The following TP53BP1 variants were observed in gnomAD, a reference collection of about 807,000 sequenced individuals.
The protein encoded by TP53BP1 is tumor protein p53 binding protein 1.
In TP53BP1, 61 loss-of-function variants were observed where a neutral mutation model predicts 200.8. The ratio of observed to expected loss-of-function variants is 0.30; its 90% CI spans 0.25 to 0.38. The LOEUF is 0.38. Among genes scored for constraint, TP53BP1 ranks in the 10% least tolerant of loss-of-function variants. The probability of loss-of-function intolerance (pLI) is 1.00; values close to 1 mark genes in which losing one functional copy is unlikely to be tolerated. For missense variants in TP53BP1, 2,144 were observed against 2,371.9 expected (o/e 0.90, Z 2.00); for synonymous variants, 822 against 844.3 (o/e 0.97, Z 0.46).
chr15:43,495,679 C>G (rs1324142667), upstream of TP53BP1, among the ~76,000 whole-genome samples: 1 of 146,090 alleles, frequency 6.8e-6, no homozygotes, highest in Non-Finnish European at 1.5e-5. Context: ...TAGCCGGGTG[C>G]GCGGGCAGGC....
At chr15:43,494,601 T>C (rs1485329894), upstream of TP53BP1, among the ~76,000 whole-genome samples, 3 of 152,172 alleles carry the variant, frequency 2.0e-5, no homozygotes, top group Non-Finnish European at 2.9e-5. Flanking sequence ...AATTGACTCT[T>C]TTCATACTCC....
intron 25 of TP53BP1, 185 bp from the exon 26 acceptor site, chr15:43,409,281 C>G (rs773051844): frequency 4.9e-6 from 3 of 616,396 alleles, no homozygotes; most frequent in Non-Finnish European, 8.6e-6. Context: ...CATAGATGTT[C>G]TCTCTGCCTC....
intron 10 of TP53BP1, among the ~76,000 whole-genome samples, chr15:43,471,254 A>G (rs569445151): frequency 6.6e-6 from 1 of 152,338 alleles, no homozygotes; most frequent in East Asian, 1.9e-4. Context: ...AGTCATATAC[A>G]CAACATGCCA....
At chr15:43,424,351 A>T (rs1216057643) in intron 18 of TP53BP1, among the ~76,000 whole-genome samples, 1 of 151,632 alleles carries the variant, frequency 6.6e-6, no homozygotes, top group Admixed American at 6.6e-5. Flanking sequence ...TCTCCAAATC[A>T]CCCTCTCTCA....
At chr15:43,492,653 T>C (rs2079143004) in intron 1 of TP53BP1, among the ~76,000 whole-genome samples, 185 bp from the exon 2 acceptor site, 1 of 152,102 alleles carries the variant, frequency 6.6e-6, no homozygotes, top group South Asian at 2.1e-4. Context: ...CAAGTCACCA[T>C]TCCTCGTTAT....
At chr15:43,413,000 C>T in intron 24 of TP53BP1, 119 bp downstream of exon 24, 1 of 879,026 alleles carries the variant, frequency 1.1e-6, no homozygotes, top group Admixed American at 2.5e-5. Flanking sequence ...TGACCAAGAT[C>T]CCAGTTGCTA....
In TP53BP1 at chr15:43,482,189, A is replaced by C. The variant is rs2078981187; in HGVS notation, c.372-1167T>G. 2.0e-5 allele frequency among the ~76,000 whole-genome samples: 3 copies of C among 152,090 alleles called. No homozygotes were observed. In the South Asian group the frequency reaches 6.2e-4, roughly 32 times the overall value. On this transcript the variant is annotated intron_variant, in intron 4 of 27. Transcript: ENST00000382044. Reference sequence around the variant, plus strand: ...GCTTGCAGTGAGCCGAGATCGCGCCACTGCACTCCAGCCTGGGCGACAGAG... The same window carrying C: ...GCTTGCAGTGAGCCGAGATCGCGCCCCTGCACTCCAGCCTGGGCGACAGAG...
At position 43,432,457 on chromosome 15, in the gene TP53BP1, T is replaced by C; in HGVS notation, c.3412A>G (p.Ser1138Gly). The C allele has an allele frequency of 6.2e-7, 1 of 1,614,218 alleles. No individual in the cohort carries two copies. Among genetic ancestry groups the C allele is most frequent in the Non-Finnish European group, 8.5e-7 (1 of 1,180,026 alleles). The change falls in exon 17 of 28, where the codon AGT (serine) becomes GGT (glycine). Residue 1138 changes from serine (S) to glycine (G), a missense_variant. Ser to Gly is a moderately conservative substitution (Grantham distance 56). This residue lies in a region of TP53BP1 where 1,700 missense variants were observed against 1,710.3 expected (regional missense o/e 0.99). Transcript: ENST00000382044. ...DVLEDQKEGR[S>G]TNKENPSKAL... ...TTACTAGGATTTTCCTTATTAGTAC[T>C]CCGTCCTTCTTTCTGGTCTTCTAGC...
At chr15:43,481,079 A>C (rs2078958176) in intron 4 of TP53BP1, 57 bp from the exon 5 acceptor site, 1 of 1,607,154 alleles carries the variant, frequency 6.2e-7, no homozygotes, top group Non-Finnish European at 8.5e-7. Context: ...CACTTTAATC[A>C]GAGCACTCTG....
chr15:43,442,815 CTTTTTTTTTT>C (rs71111818), intron 14 of TP53BP1, among the ~76,000 whole-genome samples: 3 of 61,004 alleles, frequency 4.9e-5, no homozygotes, highest in Admixed American at 2.0e-4. Flanking sequence ...CAGTAATATT[CTTTTTTTTTT>C]TTTTTTTTTT....
chr15:43,476,007 G>A (rs796185477), intron 8 of TP53BP1, among the ~76,000 whole-genome samples: 9 of 152,238 alleles, frequency 5.9e-5, no homozygotes, highest in African/African-American at 2.2e-4. Context: ...GCTCACACCT[G>A]TAATCCTAGC....
intron 4 of TP53BP1, among the ~76,000 whole-genome samples, chr15:43,482,401 C>T (rs912089463): frequency 3.3e-5 from 5 of 152,100 alleles, no homozygotes; most frequent in African/African-American, 7.2e-5. Flanking sequence ...TTCGGGAGGC[C>T]GAAGTGGGCG....
chr15:43,460,252 ATGTTT>A (rs561446120), intron 11 of TP53BP1, among the ~76,000 whole-genome samples: 1,588 of 151,912 alleles, frequency 0.01, 24 homozygotes, highest in African/African-American at 0.036. Flanking sequence ...TTCATTTCCT[ATGTTT>A]TGTTTTGTTT....
intron 11 of TP53BP1, among the ~76,000 whole-genome samples, chr15:43,458,218 C>T (rs984222344): frequency 4.0e-5 from 6 of 149,696 alleles, no homozygotes; most frequent in African/African-American, 1.5e-4. Context: ...GATCACCTGA[C>T]GTCAGAAGTT....
chr15:43,409,576 G>T, intron 25 of TP53BP1, 71 bp downstream of exon 25: 1 of 809,542 alleles, frequency 1.2e-6, no homozygotes, highest in Non-Finnish European at 1.9e-6. Flanking sequence ...CCCCTCCCAG[G>T]CCTCTTCTCA....
chr15:43,421,886 G>A lies in TP53BP1; in HGVS notation c.4069C>T (p.Pro1357Ser). 1 of 1,614,230 alleles carries A rather than the reference G, an allele frequency of 6.2e-7. No individual in the cohort carries two copies. Among genetic ancestry groups the A allele is most frequent in the African/African-American group, 1.3e-5 (1 of 75,046 alleles). The change falls in exon 19 of 28, where the codon CCC becomes TCC. Residue 1357 changes from proline to serine, a missense_variant. This residue lies in a region of TP53BP1 where 1,700 missense variants were observed against 1,710.3 expected (regional missense o/e 0.99). Coordinates refer to ENST00000382044, the MANE Select transcript of TP53BP1 (RefSeq NM_001141980.3). ...TTTCCTGGGCCTCCTCGGGAGCTGG[G>A]TAAGGCAAAATCTGCGGGTTCTGTC... ...SGTEPADFAL[P>S]SSRGGPGKLS...
chr15:43,495,042 A>G (rs55801120), upstream of TP53BP1, among the ~76,000 whole-genome samples: 26,575 of 151,962 alleles, frequency 0.17, 2,503 homozygotes, highest in Middle Eastern at 0.27. Context: ...TACGAAAAAA[A>G]TTAGCTGGGT....
At chr15:43,490,265 T>A (rs2079102873) in intron 4 of TP53BP1, among the ~76,000 whole-genome samples, 1 of 152,094 alleles carries the variant, frequency 6.6e-6, no homozygotes, top group South Asian at 2.1e-4. Context: ...AATTTTTGTA[T>A]TTTTAAGAGA....
chr15:43,443,534 A>G (rs140878154), intron 14 of TP53BP1, among the ~76,000 whole-genome samples: 47 of 152,124 alleles, frequency 3.1e-4, no homozygotes, highest in African/African-American at 1.1e-3. Context: ...TCTATAATAA[A>G]TACAAAAATT....
Sources: gnomAD v4.1 joint callset for allele counts (sites outside exome capture counted in the v4.1 genomes callset) on GRCh38, gnomAD v4.1.1 for gene constraint, gnomAD v4.1.1 regional missense constraint, MANE v1.5 for transcripts, NCBI Gene and HGNC (gene_info 2026-07-23, HGNC 2026-07-21) for gene names.